NPAS3: variants seen among roughly 807,000 people sequenced by gnomAD.
NPAS3 encodes the protein neuronal PAS domain protein 3.
A neutral mutation model predicts 73.1 loss-of-function variants in NPAS3; 14 were observed. That is an observed-to-expected ratio of 0.19 (90% CI 0.13 to 0.30). NPAS3 has a LOEUF of 0.30. Among genes scored for constraint, NPAS3 ranks in the 10% least tolerant of loss-of-function variants. NPAS3 has a pLI of 1.00. For synonymous variants in NPAS3, 620 were observed against 541.5 expected (o/e 1.14, Z -2.01); for missense variants, 1,096 against 1,250.0 (o/e 0.88, Z 1.86).
At chr14:33,077,624 C>T (rs1040071804) in intron 2 of NPAS3, among the ~76,000 whole-genome samples, 7 of 152,032 alleles carry the variant, frequency 4.6e-5, no homozygotes, top group Non-Finnish European at 1.0e-4. Flanking sequence ...AAAGCTTTTG[C>T]ACTCTAAAAA....
intron 2 of NPAS3, among the ~76,000 whole-genome samples, chr14:33,153,826 C>T (rs1394157434): frequency 6.6e-6 from 1 of 152,154 alleles, no homozygotes; most frequent in Non-Finnish European, 1.5e-5. Context: ...CTCAGCATTG[C>T]ATACTGTTGG....
intron 2 of NPAS3, among the ~76,000 whole-genome samples, chr14:33,109,387 A>G (rs1293738006): frequency 6.6e-6 from 1 of 152,104 alleles, no homozygotes; most frequent in African/African-American, 2.4e-5. Context: ...TGTTATGTGT[A>G]TAACCCTAGC....
At chr14:33,647,269 A>ACTCTCTCTCTCTCT (rs536728235) in intron 5 of NPAS3, among the ~76,000 whole-genome samples, 1 of 148,058 alleles carries the variant, frequency 6.8e-6, no homozygotes, top group African/African-American at 2.5e-5. Flanking sequence ...ACATCTTCTT[A>ACTCTCTCTCTCTCT]CTCTCTCTCT....
At chr14:33,316,740 T>C (rs2043221776) in intron 3 of NPAS3, among the ~76,000 whole-genome samples, 1 of 152,094 alleles carries the variant, frequency 6.6e-6, no homozygotes, top group Non-Finnish European at 1.5e-5. Flanking sequence ...AAGCATGTCA[T>C]GTACTCTTAG....
chr14:33,089,201 A>G (rs997283707), intron 2 of NPAS3, among the ~76,000 whole-genome samples: 6 of 152,196 alleles, frequency 3.9e-5, no homozygotes, highest in African/African-American at 1.2e-4. Context: ...AAACTTCTCC[A>G]AGCTAAAGGA....
At chr14:33,574,982 A>G (rs570834929) in intron 5 of NPAS3, among the ~76,000 whole-genome samples, 1 of 152,332 alleles carries the variant, frequency 6.6e-6, no homozygotes, top group African/African-American at 2.4e-5. Context: ...GCAAGGGACA[A>G]GGATGCTGAA....
rs543281060 is a variant in NPAS3 at position 33,299,730 on chromosome 14, A to C, written c.386-67456A>C. Among the ~76,000 whole-genome samples the C allele has an allele frequency of 7.9e-5, 12 of 152,326 alleles. No homozygotes were observed. In the South Asian group the frequency reaches 2.5e-3, roughly 32 times the overall value. On this transcript the variant is annotated intron_variant, in intron 3 of 11. Transcript: ENST00000356141. ...GGAATAGGAAAGGGGGAAAAAAAGC[A>C]ATGATAAAATATATAGAATTCCAGA...
At chr14:33,455,363 T>C (rs1377118809) in intron 4 of NPAS3, among the ~76,000 whole-genome samples, 1 of 152,212 alleles carries the variant, frequency 6.6e-6, no homozygotes, top group Non-Finnish European at 1.5e-5. Context: ...CTATGGTGCC[T>C]TCTAGTGAAA....
chr14:33,272,541 C>T (rs914098259), intron 3 of NPAS3, among the ~76,000 whole-genome samples: 3 of 152,056 alleles, frequency 2.0e-5, no homozygotes, highest in African/African-American at 7.2e-5. Context: ...CTCAGCCTCC[C>T]GAGTGGCTGG....
At chr14:33,027,535 T>A (rs2039850442) in intron 1 of NPAS3, among the ~76,000 whole-genome samples, 1 of 152,218 alleles carries the variant, frequency 6.6e-6, no homozygotes, top group Non-Finnish European at 1.5e-5. Flanking sequence ...TCTTTCCCTC[T>A]GTCTTGAATT....
At chr14:33,104,629 G>C (rs1344187315) in intron 2 of NPAS3, among the ~76,000 whole-genome samples, 1 of 152,142 alleles carries the variant, frequency 6.6e-6, no homozygotes, top group Non-Finnish European at 1.5e-5. Flanking sequence ...ACGTAGTGTT[G>C]GATGCCAGTT....
intron 4 of NPAS3, among the ~76,000 whole-genome samples, chr14:33,500,964 A>G (rs1454780939): frequency 6.6e-6 from 1 of 152,006 alleles, no homozygotes; most frequent in East Asian, 1.9e-4. Context: ...ATTAGGAACA[A>G]CTTATAAAAT....
intron 1 of NPAS3, among the ~76,000 whole-genome samples, chr14:32,960,977 T>C (rs1223319151): frequency 2.0e-5 from 3 of 152,236 alleles, no homozygotes; most frequent in African/African-American, 4.8e-5. Context: ...TCCATGTAAG[T>C]GATAATTTCA....
At chr14:33,013,175 T>C (rs1013145090) in intron 1 of NPAS3, among the ~76,000 whole-genome samples, 1 of 152,168 alleles carries the variant, frequency 6.6e-6, no homozygotes, top group Admixed American at 6.5e-5. Flanking sequence ...CAGATCAGAG[T>C]AGATGGTTTC....
At chr14:33,254,282 A>G (rs1194359192) in intron 3 of NPAS3, among the ~76,000 whole-genome samples, 1 of 151,974 alleles carries the variant, frequency 6.6e-6, no homozygotes, top group Non-Finnish European at 1.5e-5. Context: ...CTAAACTTAT[A>G]TCTTACCTTC....
intron 2 of NPAS3, among the ~76,000 whole-genome samples, chr14:33,177,669 C>T (rs1018706808): frequency 2.6e-5 from 4 of 151,334 alleles, no homozygotes; most frequent in Non-Finnish European, 5.9e-5. Flanking sequence ...ATTTTACATT[C>T]AATTTTGTAA....
At chr14:33,230,937 C>T (rs370871517) in intron 3 of NPAS3, among the ~76,000 whole-genome samples, 14 of 152,090 alleles carry the variant, frequency 9.2e-5, no homozygotes, top group East Asian at 1.9e-4. Context: ...AAACACAAAC[C>T]GTGATTGTGG....
intron 5 of NPAS3, among the ~76,000 whole-genome samples, chr14:33,564,521 G>A (rs1164928575): frequency 6.6e-6 from 1 of 152,220 alleles, no homozygotes; most frequent in Non-Finnish European, 1.5e-5. Flanking sequence ...GACCATCGGA[G>A]AGCGATGTTC....
chr14:33,217,971 G>T (rs532984885), intron 3 of NPAS3, among the ~76,000 whole-genome samples: 1 of 152,106 alleles, frequency 6.6e-6, no homozygotes, highest in Admixed American at 6.6e-5. Flanking sequence ...AATTTTCTCA[G>T]CTTCAGACTG....
Sources: gnomAD v4.1 joint callset for allele counts (sites outside exome capture counted in the v4.1 genomes callset) on GRCh38, gnomAD v4.1.1 for gene constraint, MANE v1.5 for transcripts, NCBI Gene and HGNC (gene_info 2026-07-23, HGNC 2026-07-21) for gene names.